Variants in VAC14 observed in about 807,000 individuals in gnomAD.
The protein encoded by VAC14 is VAC14 component of PIKFYVE complex, also known as protein VAC14 homolog.
In VAC14, 47 loss-of-function variants were observed where a neutral mutation model predicts 85.3. That is an observed-to-expected ratio of 0.55 (90% CI 0.44 to 0.70). VAC14 has a LOEUF of 0.70. Among genes scored for constraint, VAC14 ranks in the 30% least tolerant of loss-of-function variants. The pLI is 0.00. For missense variants in VAC14, 861 were observed against 1,004.3 expected (o/e 0.86, Z 1.93); for synonymous variants, 447 against 430.5 (o/e 1.04, Z -0.47).
At chr16:70,756,688 T>C (rs1407071812) in intron 12 of VAC14, among the ~76,000 whole-genome samples, 1 of 152,100 alleles carries the variant, frequency 6.6e-6, no homozygotes, top group Admixed American at 6.5e-5. Flanking sequence ...CTGCTACCTG[T>C]CCTCAACCCA....
intron 1 of VAC14, among the ~76,000 whole-genome samples, chr16:70,792,297 C>T (rs1321760451): frequency 3.3e-5 from 5 of 152,236 alleles, no homozygotes; most frequent in African/African-American, 1.2e-4. Context: ...CTCCTTTCAT[C>T]TACAGGTTGG....
intron 12 of VAC14, among the ~76,000 whole-genome samples, chr16:70,746,404 C>T (rs910957349): frequency 6.6e-6 from 1 of 152,244 alleles, no homozygotes; most frequent in African/African-American, 2.4e-5. Flanking sequence ...CCCTGGGACC[C>T]TGCTCTGTGC....
chr16:70,716,619 T>C (rs940048193), intron 14 of VAC14: 3 of 152,262 alleles, frequency 2.0e-5, no homozygotes, highest in Non-Finnish European at 4.4e-5. Flanking sequence ...ACTGAGACTC[T>C]CTGGGACTCT....
intron 18 of VAC14, chr16:70,691,902 G>C: frequency 1.0e-6 from 1 of 985,268 alleles, no homozygotes; most frequent in Non-Finnish European, 1.2e-6. Context: ...GAGCACCCGA[G>C]GCCCTTTGCT....
chr16:70,700,939 G>C (rs949008288), intron 14 of VAC14, among the ~76,000 whole-genome samples: 1 of 152,250 alleles, frequency 6.6e-6, no homozygotes, highest in Admixed American at 6.5e-5. Context: ...GGGCAGGGTG[G>C]TGCCCATGTG....
chr16:70,691,778 C>T (rs2053600397), intron 18 of VAC14: 1 of 985,424 alleles, frequency 1.0e-6, no homozygotes, highest in Non-Finnish European at 1.2e-6. Flanking sequence ...CACACTCAGC[C>T]ATCCGAGGGC....
chr16:70,761,594 G>GGT (rs2032390301), intron 12 of VAC14, among the ~76,000 whole-genome samples: 1 of 152,194 alleles, frequency 6.6e-6, no homozygotes. Flanking sequence ...AGTGTGGAAA[G>GGT]GTGTGTGTGG....
At chr16:70,722,702 C>G (rs536593069) in intron 14 of VAC14, among the ~76,000 whole-genome samples, 1 of 152,294 alleles carries the variant, frequency 6.6e-6, no homozygotes, top group South Asian at 2.1e-4. Context: ...TGTCCTGGCT[C>G]AGATGCAGGC....
intron 10 of VAC14, among the ~76,000 whole-genome samples, chr16:70,765,586 C>A (rs142297974): frequency 6.6e-6 from 1 of 152,174 alleles, no homozygotes; most frequent in Non-Finnish European, 1.5e-5. Context: ...CAAGATTACA[C>A]GGCCAGGGAA....
chr16:70,722,153 C>T (rs1212641822), intron 14 of VAC14, among the ~76,000 whole-genome samples: 1 of 152,234 alleles, frequency 6.6e-6, no homozygotes, highest in Non-Finnish European at 1.5e-5. Context: ...TGCATCTGAG[C>T]CCTGAACTAC....
intron 17 of VAC14, among the ~76,000 whole-genome samples, chr16:70,693,853 C>G (rs748472092): frequency 6.6e-6 from 1 of 152,336 alleles, no homozygotes; most frequent in African/African-American, 2.4e-5. Flanking sequence ...ACCCCTGGAG[C>G]GGCCACACAG....
intron 14 of VAC14, among the ~76,000 whole-genome samples, chr16:70,705,856 C>A (rs1163575527): frequency 1.3e-5 from 2 of 152,256 alleles, no homozygotes; most frequent in African/African-American, 4.8e-5. Context: ...GATGGGACAT[C>A]CTTCCCAGTG....
intron 13 of VAC14, 50 bp from the exon 14 acceptor site, chr16:70,731,677 G>C: frequency 6.3e-7 from 1 of 1,585,302 alleles, no homozygotes; most frequent in Non-Finnish European, 8.6e-7. Flanking sequence ...TGTGTCCACA[G>C]GGTGATGAGA....
At chr16:70,782,334 G>C (rs2033854527) in intron 7 of VAC14, among the ~76,000 whole-genome samples, 1 of 152,234 alleles carries the variant, frequency 6.6e-6, no homozygotes, top group African/African-American at 2.4e-5. Context: ...CCAATGAGAC[G>C]TGGTGGAAGT....
At chr16:70,777,186 C>T (rs1189162472) in intron 9 of VAC14, among the ~76,000 whole-genome samples, 1 of 152,164 alleles carries the variant, frequency 6.6e-6, no homozygotes, top group Non-Finnish European at 1.5e-5. Flanking sequence ...CTCAAATGAT[C>T]CGCCTGCCTT....
chr16:70,753,513 C>G (rs183464989), intron 12 of VAC14, among the ~76,000 whole-genome samples: 6 of 152,354 alleles, frequency 3.9e-5, no homozygotes, highest in African/African-American at 1.4e-4. Context: ...CCTGGCTTGG[C>G]TGCCTCGCCT....
chr16:70,704,585 C>T (rs959932255), intron 14 of VAC14, among the ~76,000 whole-genome samples: 5 of 152,234 alleles, frequency 3.3e-5, no homozygotes, highest in African/African-American at 1.2e-4. Context: ...GGCCTCTCCC[C>T]ACCTGGTTAG....
chr16:70,781,696 G>A (rs902445180), intron 8 of VAC14, among the ~76,000 whole-genome samples, 173 bp downstream of exon 8: 2 of 152,066 alleles, frequency 1.3e-5, no homozygotes, highest in African/African-American at 4.8e-5. Context: ...CATCAGCCCC[G>A]GGTCCCTGGC....
chr16:70,795,192 C>T (rs1228310018), intron 1 of VAC14, among the ~76,000 whole-genome samples: 3 of 152,208 alleles, frequency 2.0e-5, no homozygotes, highest in South Asian at 2.1e-4. Flanking sequence ...CTGAGCCGGG[C>T]GCAGTGGCTC....
Sources: allele counts gnomAD v4.1 joint callset (sites outside exome capture counted in the v4.1 genomes callset), GRCh38; gene constraint gnomAD v4.1.1; transcripts MANE v1.5; gene names NCBI Gene and HGNC (gene_info 2026-07-23, HGNC 2026-07-21).